The following C2orf76 variants were observed in gnomAD, a reference collection of about 807,000 sequenced individuals.
C2orf76 encodes chromosome 2 open reading frame 76, also known as UPF0538 protein C2orf76.
A neutral mutation model predicts 16.9 loss-of-function variants in C2orf76; 23 were observed. That is an observed-to-expected ratio of 1.36 (90% CI 0.98 to 1.93). The LOEUF is 1.93. C2orf76 is among the 30% of genes most tolerant of loss of function. C2orf76 has a pLI of 0.00. For synonymous variants in C2orf76, 48 were observed against 52.3 expected (o/e 0.92, Z 0.35); for missense variants, 152 against 152.6 (o/e 1.00, Z 0.02).
At chr2:119,322,362 G>A (rs1047348413) in intron 2 of C2orf76, among the ~76,000 whole-genome samples, 3 of 151,782 alleles carry the variant, frequency 2.0e-5, no homozygotes, top group Non-Finnish European at 4.4e-5. Context: ...GCATGCCACC[G>A]CACCCAGCAA....
At chr2:119,317,623 G>A (rs1433456756) in intron 3 of C2orf76, 120 bp from the exon 4 acceptor site, 2 of 659,834 alleles carry the variant, frequency 3.0e-6, no homozygotes, top group Non-Finnish European at 5.0e-6. Context: ...TTTATAACCA[G>A]ACTCATTTAG....
chr2:119,291,153 A>G, the C2orf76 span, among the ~76,000 whole-genome samples: 96,263 of 151,788 alleles, frequency 0.63, 30,964 homozygotes, highest in African/African-American at 0.67. Flanking sequence ...GGCTCTGCTA[A>G]TATGGCAGGA....
At chr2:119,314,343 T>C (rs891877546) in intron 4 of C2orf76, among the ~76,000 whole-genome samples, 2 of 152,170 alleles carry the variant, frequency 1.3e-5, no homozygotes, top group East Asian at 1.9e-4. Flanking sequence ...TCTATCCTCA[T>C]CTATGGGTTT....
At position 119,329,410 on chromosome 2, in the gene C2orf76, G is replaced by C. The variant is rs991514280; in HGVS notation, c.134-8206C>G. ...TTCTTACTTGATTTTTATCTTTAAA[G>C]TACATTTCTTGTAGGTAACATATAA... On this transcript the variant is annotated intron_variant, in intron 2 of 5. Coordinates refer to ENST00000334816, the MANE Select transcript of C2orf76 (RefSeq NM_001322331.2). Among the ~76,000 whole-genome samples the C allele has an allele frequency of 7.2e-4, 110 of 152,062 alleles. 1 individual carries two copies. In the East Asian group the frequency reaches 0.01, roughly 14 times the overall value.
chr2:119,331,872 C>G (rs921926264), intron 2 of C2orf76, among the ~76,000 whole-genome samples: 1 of 152,188 alleles, frequency 6.6e-6, no homozygotes, highest in Non-Finnish European at 1.5e-5. Context: ...CCACTTTGCA[C>G]TGCGTTTTTC....
At chr2:119,295,287 C>T in the C2orf76 span, among the ~76,000 whole-genome samples, 4 of 152,204 alleles carry the variant, frequency 2.6e-5, no homozygotes, top group South Asian at 8.3e-4. Context: ...TGGCACAGGG[C>T]CTGCAGGTGT....
At chr2:119,326,195 G>A (rs1212937433) in intron 2 of C2orf76, among the ~76,000 whole-genome samples, 3 of 152,158 alleles carry the variant, frequency 2.0e-5, no homozygotes, top group Non-Finnish European at 4.4e-5. Flanking sequence ...TCTTCTAGAT[G>A]TTTTATAGTT....
chr2:119,340,755 TACACACAC>T (rs60777590), intron 1 of C2orf76, among the ~76,000 whole-genome samples: 45,932 of 140,086 alleles, frequency 0.33, 7,595 homozygotes, highest in Non-Finnish European at 0.38. Flanking sequence ...TGCTTTCTAA[TACACACAC>T]ACACACACAC....
At chr2:119,315,371 G>A (rs1679135839) in intron 4 of C2orf76, among the ~76,000 whole-genome samples, 1 of 152,130 alleles carries the variant, frequency 6.6e-6, no homozygotes, top group Non-Finnish European at 1.5e-5. Flanking sequence ...TTAAGACAAA[G>A]GAATTATTTA....
intron 2 of C2orf76, among the ~76,000 whole-genome samples, chr2:119,333,398 T>C (rs1248380315): frequency 2.6e-5 from 4 of 152,198 alleles, no homozygotes; most frequent in Non-Finnish European, 5.9e-5. Flanking sequence ...GATCACTCCA[T>C]AGACTACTTA....
intron 5 of C2orf76, chr2:119,311,040 G>T: frequency 1.9e-6 from 1 of 532,150 alleles, no homozygotes; most frequent in Non-Finnish European, 2.4e-6. Context: ...GTACATATAC[G>T]TAGAATAACA....
At chr2:119,358,110 G>A (rs1428959522) in intron 1 of C2orf76, among the ~76,000 whole-genome samples, 1 of 152,152 alleles carries the variant, frequency 6.6e-6, no homozygotes, top group Non-Finnish European at 1.5e-5. Flanking sequence ...AGTGACAGGA[G>A]GAGTTGTTAG....
upstream of C2orf76, chr2:119,366,962 C>CT (rs1405674078): frequency 6.4e-7 from 1 of 1,567,516 alleles, no homozygotes; most frequent in African/African-American, 1.4e-5. Flanking sequence ...GACCGCGCCT[C>CT]TAAAGGCGCT....
At chr2:119,281,776 G>A in the C2orf76 span, among the ~76,000 whole-genome samples, 29 of 152,170 alleles carry the variant, frequency 1.9e-4, no homozygotes, top group East Asian at 5.0e-3. Context: ...GTGGAGACCC[G>A]CTCTCAAAAG....
At chr2:119,339,420 C>T (rs1277620099) in intron 2 of C2orf76, among the ~76,000 whole-genome samples, 1 of 152,178 alleles carries the variant, frequency 6.6e-6, no homozygotes, top group Non-Finnish European at 1.5e-5. Context: ...TCCTGCTGTA[C>T]AGCCTCCGCT....
downstream of C2orf76, among the ~76,000 whole-genome samples, chr2:119,300,060 C>T (rs1678593456): frequency 6.6e-6 from 1 of 152,148 alleles, no homozygotes; most frequent in Admixed American, 6.6e-5. Context: ...TGGGGGAAGT[C>T]AGGATTTTAA....
chr2:119,346,959 C>T (rs1417167132), intron 1 of C2orf76, among the ~76,000 whole-genome samples: 1 of 152,198 alleles, frequency 6.6e-6, no homozygotes, highest in African/African-American at 2.4e-5. Flanking sequence ...TTATTTCCTA[C>T]ATCTACATGT....
At chr2:119,326,895 T>C (rs538658730) in intron 2 of C2orf76, among the ~76,000 whole-genome samples, 2 of 152,358 alleles carry the variant, frequency 1.3e-5, no homozygotes, top group South Asian at 2.1e-4. Context: ...TACACTGATC[T>C]TATATCTTAA....
intron 2 of C2orf76, 111 bp downstream of exon 2, chr2:119,339,716 C>A: frequency 8.1e-7 from 1 of 1,229,242 alleles, no homozygotes; most frequent in Non-Finnish European, 1.1e-6. Flanking sequence ...GGCTTGGAAC[C>A]CAGGTTAATC....
Sources: allele counts gnomAD v4.1 joint callset (sites outside exome capture counted in the v4.1 genomes callset), GRCh38; gene constraint gnomAD v4.1.1; transcripts MANE v1.5; gene names NCBI Gene and HGNC (gene_info 2026-07-23, HGNC 2026-07-21).